DPP10: variants seen among roughly 807,000 people sequenced by gnomAD.
The protein encoded by DPP10 is dipeptidyl peptidase like 10.
Under a neutral mutation model 120.9 loss-of-function variants are expected in DPP10, and 33 were observed. That is an observed-to-expected ratio of 0.27 (90% confidence interval 0.21 to 0.37). DPP10 has a LOEUF of 0.37. DPP10 is among the 10% of genes least tolerant of loss of function. DPP10 has a pLI of 1.00. For missense variants in DPP10, 816 were observed against 942.8 expected (o/e 0.87, Z 1.76); for synonymous variants, 337 against 326.1 (o/e 1.03, Z -0.36).
intron 19 of DPP10, among the ~76,000 whole-genome samples, chr2:115,813,126 C>T (rs1419808861): frequency 1.4e-5 from 2 of 148,126 alleles, no homozygotes; most frequent in Admixed American, 1.3e-4. Context: ...GGACTACAGG[C>T]GCCCGCCACC....
At chr2:115,516,961 G>A (rs2077537771) in intron 4 of DPP10, among the ~76,000 whole-genome samples, 1 of 152,086 alleles carries the variant, frequency 6.6e-6, no homozygotes, top group African/African-American at 2.4e-5. Context: ...TAACCCTGAT[G>A]TTACCATGTA....
At chr2:115,035,783 C>CA (rs1704188374) in intron 1 of DPP10, among the ~76,000 whole-genome samples, 2 of 152,080 alleles carry the variant, frequency 1.3e-5, no homozygotes, top group Admixed American at 1.3e-4. Context: ...CATTTATATA[C>CA]AAAAAACAAT....
chr2:114,782,272 A>G (rs993834789), intron 1 of DPP10, among the ~76,000 whole-genome samples: 2 of 151,900 alleles, frequency 1.3e-5, no homozygotes, highest in African/African-American at 4.8e-5. Flanking sequence ...CAAGTTGCTG[A>G]ATGAAGGACA....
At chr2:115,306,999 A>G (rs2061383839) in intron 1 of DPP10, among the ~76,000 whole-genome samples, 1 of 152,086 alleles carries the variant, frequency 6.6e-6, no homozygotes, top group Non-Finnish European at 1.5e-5. Context: ...AAGTGGCATT[A>G]TAGTGGTTAA....
At chr2:114,821,309 G>A (rs1233470593) in intron 1 of DPP10, among the ~76,000 whole-genome samples, 1 of 152,160 alleles carries the variant, frequency 6.6e-6, no homozygotes, top group African/African-American at 2.4e-5. Context: ...ATATGTGAGG[G>A]CAAGGATAAG....
intron 1 of DPP10, among the ~76,000 whole-genome samples, chr2:115,180,835 C>A (rs1215847190): frequency 6.6e-6 from 1 of 152,130 alleles, no homozygotes; most frequent in Admixed American, 6.6e-5. Context: ...ATGGAGGTAA[C>A]TATTTATAAT....
At chr2:115,353,581 T>C (rs550352571) in intron 3 of DPP10, among the ~76,000 whole-genome samples, 1 of 152,256 alleles carries the variant, frequency 6.6e-6, no homozygotes, top group South Asian at 2.1e-4. Flanking sequence ...AAGTGGGAGA[T>C]ATTAGTAATA....
chr2:115,202,476 A>G (rs2105303711), intron 1 of DPP10, among the ~76,000 whole-genome samples: 2 of 152,294 alleles, frequency 1.3e-5, no homozygotes, highest in Non-Finnish European at 2.9e-5. Context: ...TTTCTCTTTT[A>G]ATTGGACAGC....
intron 5 of DPP10, among the ~76,000 whole-genome samples, chr2:115,595,063 AAGAC>A: frequency 1.3e-5 from 2 of 152,286 alleles, no homozygotes; most frequent in South Asian, 4.1e-4. Context: ...TGAGGTCAAA[AAGAC>A]AGAATTTGAA....
At chr2:114,575,141 A>G (rs928274964) in intron 1 of DPP10, among the ~76,000 whole-genome samples, 1 of 152,192 alleles carries the variant, frequency 6.6e-6, no homozygotes, top group Admixed American at 6.5e-5. Context: ...CTGAAAATGG[A>G]AAGTGGGGAT....
chr2:115,270,130 A>G (rs2059635882), intron 1 of DPP10, among the ~76,000 whole-genome samples: 1 of 150,932 alleles, frequency 6.6e-6, no homozygotes, highest in African/African-American at 2.4e-5. Flanking sequence ...ACACACAAAC[A>G]CTTATTTATG....
At chr2:115,301,150 G>A (rs981814106) in intron 1 of DPP10, among the ~76,000 whole-genome samples, 23 of 151,676 alleles carry the variant, frequency 1.5e-4, no homozygotes, top group African/African-American at 5.1e-4. Flanking sequence ...TTTATTATCC[G>A]TCCCTAAGAG....
intron 5 of DPP10, among the ~76,000 whole-genome samples, chr2:115,645,059 G>A (rs2087118589): frequency 6.6e-6 from 1 of 152,138 alleles, no homozygotes; most frequent in South Asian, 2.1e-4. Flanking sequence ...TTACAGTGCT[G>A]TCTCCTATTA....
chr2:115,294,023 A>C (rs1219512484), intron 1 of DPP10, among the ~76,000 whole-genome samples: 2 of 152,162 alleles, frequency 1.3e-5, no homozygotes, highest in South Asian at 4.1e-4. Flanking sequence ...CTGTTAGTGT[A>C]TATACTTTGC....
chr2:115,103,015 CTTTT>C (rs947844344), intron 1 of DPP10, among the ~76,000 whole-genome samples: 7 of 152,026 alleles, frequency 4.6e-5, no homozygotes, highest in Non-Finnish European at 1.0e-4. Context: ...AGAAATATTT[CTTTT>C]ATTTGAGCTG....
chr2:114,776,903 T>C (rs1258581067), intron 1 of DPP10, among the ~76,000 whole-genome samples: 1 of 151,956 alleles, frequency 6.6e-6, no homozygotes, highest in African/African-American at 2.4e-5. Flanking sequence ...CCAAAAAGAC[T>C]TTCTAAGGAT....
rs1016655195 is a variant in DPP10, at chr2:115,661,002, G to A, written c.442-28685G>A. ...TATTTCTCTGTCCACCCAGGCTGGA[G>A]TGCAGTGGCGTGATCTCGGCTCACT... On this transcript the variant is annotated intron_variant, in intron 5 of 25. Coordinates refer to ENST00000410059, the MANE Select transcript of DPP10 (RefSeq NM_020868.6). 8.6e-5 allele frequency among the ~76,000 whole-genome samples: 13 copies of A among 151,926 alleles called. No homozygotes were observed. In the South Asian group the frequency reaches 1.2e-3, roughly 15 times the overall value.
intron 1 of DPP10, among the ~76,000 whole-genome samples, chr2:115,002,889 G>C (rs1306749323): frequency 6.6e-6 from 1 of 152,000 alleles, no homozygotes. Context: ...ACAGAGGAAA[G>C]GGAATGCTTA....
intron 1 of DPP10, among the ~76,000 whole-genome samples, chr2:115,223,396 T>C (rs2057275085): frequency 6.6e-6 from 1 of 152,152 alleles, no homozygotes; most frequent in African/African-American, 2.4e-5. Flanking sequence ...TTATGGAGGC[T>C]TTGGCAAGTA....
Sources: gnomAD v4.1 joint callset for allele counts (sites outside exome capture counted in the v4.1 genomes callset) on GRCh38, gnomAD v4.1.1 for gene constraint, MANE v1.5 for transcripts, NCBI Gene and HGNC (gene_info 2026-07-23, HGNC 2026-07-21) for gene names.